Variants in SRGAP2C observed in about 807,000 individuals in gnomAD.
The protein encoded by SRGAP2C is SLIT-ROBO Rho GTPase-activating protein 2C.
SRGAP2C carries 15 observed loss-of-function variants against 25.1 expected under a neutral mutation model. The ratio of observed to expected loss-of-function variants is 0.60; its 90% CI spans 0.40 to 0.92. The LOEUF is 0.92. Among genes scored for constraint, SRGAP2C ranks in the 40% least tolerant of loss-of-function variants. The probability of loss-of-function intolerance (pLI) is 0.00; values close to 1 mark genes in which losing one functional copy is unlikely to be tolerated. For missense variants in SRGAP2C, 144 were observed against 264.4 expected (o/e 0.54, Z 3.16); for synonymous variants, 44 against 96.6 (o/e 0.46, Z 3.19).
intron 2 of SRGAP2C, among the ~76,000 whole-genome samples, chr1:121,279,616 C>G (rs1657196233): frequency 6.6e-6 from 1 of 150,384 alleles, no homozygotes; most frequent in Non-Finnish European, 1.5e-5. Flanking sequence ...AAGCCTCTTT[C>G]TAAATACTAG....
In SRGAP2C at chr1:121,321,908, C is replaced by T. The variant is rs1553341172; in HGVS notation, c.261-2570C>T. The stretch of plus-strand genomic sequence containing the variant: ...CTTCCTCTTTTGATCTGAGGTCTAC[C>T]TTTCTGAGCTAGCTGGCCTTTTGTT... On this transcript the variant is annotated intron_variant, in intron 3 of 9. Transcript: ENST00000367123. Among the ~76,000 whole-genome samples, 17 of 152,240 alleles carry T rather than the reference C, an allele frequency of 1.1e-4. No individual in the cohort carries two copies. In the East Asian group the frequency reaches 2.9e-3, roughly 26 times the overall value.
intron 2 of SRGAP2C, among the ~76,000 whole-genome samples, chr1:121,254,793 G>T (rs1418990892): frequency 1.3e-5 from 2 of 151,254 alleles, no homozygotes; most frequent in Non-Finnish European, 3.0e-5. Flanking sequence ...AACAAGAGTG[G>T]TTGCTGGGAG....
intron 3 of SRGAP2C, among the ~76,000 whole-genome samples, chr1:121,314,603 C>T (rs1553340381): frequency 8.0e-5 from 12 of 150,858 alleles, no homozygotes; most frequent in East Asian, 4.1e-4. Flanking sequence ...GATGGGTTTT[C>T]GGTGTGGATG....
At chr1:121,274,662 A>G (rs1352212944) in intron 2 of SRGAP2C, among the ~76,000 whole-genome samples, 1 of 79,186 alleles carries the variant, frequency 1.3e-5, no homozygotes, top group African/African-American at 5.6e-5. Context: ...TTTGTCCTCT[A>G]AGAGAGTGGA....
rs1319063135 is a variant in SRGAP2C at position 121,248,507 on chromosome 1, C to T, written c.68-36296C>T. ...TGTCGCCCAGGCTGGAGTGCAGTGGCGCAATCTTGGCTCACTGCAAGCTCC... is the reference window on the plus strand; with the variant it reads ...TGTCGCCCAGGCTGGAGTGCAGTGGTGCAATCTTGGCTCACTGCAAGCTCC... On this transcript the variant is annotated intron_variant, in intron 2 of 9. Transcript: ENST00000367123. 3.3e-4 allele frequency among the ~76,000 whole-genome samples: 47 copies of T among 141,252 alleles called. 1 individual carries two copies. The highest frequency in any genetic ancestry group is 3.7e-3 in the Middle Eastern group (1 of 270). 92.7% of individuals were successfully genotyped at this position (141,252 alleles called of 152,430 possible).
In SRGAP2C at chr1:121,230,570, C is replaced by A. The variant is rs587770630; in HGVS notation, c.67+43057C>A. Among the ~76,000 whole-genome samples, 694 of 144,326 alleles carry A rather than the reference C, an allele frequency of 4.8e-3. 4 individuals are homozygous for A. The highest frequency in any genetic ancestry group is 7.2e-3 in the Non-Finnish European group (477 of 66,646). 94.7% of individuals were successfully genotyped at this position (144,326 alleles called of 152,430 possible). A position where few individuals can be genotyped will look rare whatever the true frequency, so the allele number is the denominator to read the frequency against. Reference sequence around the variant, plus strand: ...CTTTAACATGCCAGGCATGCTTGACCCTGTCCTGTCTCAGGGCCCTGCTGT... The same window carrying A: ...CTTTAACATGCCAGGCATGCTTGACACTGTCCTGTCTCAGGGCCCTGCTGT... On this transcript the variant is annotated intron_variant, in intron 2 of 9. Coordinates refer to ENST00000367123, the MANE Select transcript of SRGAP2C (RefSeq NM_001329984.2).
chr1:121,319,447 CAG>C (rs1380132422), intron 3 of SRGAP2C, among the ~76,000 whole-genome samples: 1 of 135,518 alleles, frequency 7.4e-6, no homozygotes, highest in East Asian at 2.4e-4. Context: ...AAAAACCAAA[CAG>C]AGGTGATATG....
At chr1:121,368,065 G>A (rs1659382952) in intron 5 of SRGAP2C, among the ~76,000 whole-genome samples, 1 of 88,952 alleles carries the variant, frequency 1.1e-5, no homozygotes, top group Non-Finnish European at 2.3e-5. Context: ...AACAGAGCGA[G>A]ACTCTGTCTC....
At position 121,304,160 on chromosome 1, in the gene SRGAP2C, G is replaced by A. The variant is rs1402476979; in HGVS notation, c.260+19165G>A. On this transcript the variant is annotated intron_variant, in intron 3 of 9. Coordinates refer to ENST00000367123, the MANE Select transcript of SRGAP2C (RefSeq NM_001329984.2). Reference sequence around the variant, plus strand: ...CGGGAGGTGGAGCTTGCAGTGAGCCGAGATCGTGCCACTGCACTCCAGCCT... The same window carrying A: ...CGGGAGGTGGAGCTTGCAGTGAGCCAAGATCGTGCCACTGCACTCCAGCCT... Among the ~76,000 whole-genome samples the A allele has an allele frequency of 9.2e-3, 1,328 of 143,766 alleles. 17 individuals carry two copies. The highest frequency in any genetic ancestry group is 0.032 in the African/African-American group (1,230 of 38,794). The allele number at this position is 143,766 out of a possible 152,430, so 94.3% of individuals were successfully genotyped here.
rs1553338629 is a variant in SRGAP2C, at chr1:121,299,560, C to T, written c.260+14565C>T. On this transcript the variant is annotated intron_variant, in intron 3 of 9. Coordinates refer to ENST00000367123, the MANE Select transcript of SRGAP2C (RefSeq NM_001329984.2). The stretch of plus-strand genomic sequence containing the variant: ...AAAGAGCCAGGATTAGAAAATGAAT[C>T]GGAACAAACTAGGATTATCTTCAAC... Among the ~76,000 whole-genome samples, 4 of 74,894 alleles carry T rather than the reference C, an allele frequency of 5.3e-5. 1 individual carries two copies. Among genetic ancestry groups the T allele is most frequent in the Non-Finnish European group, 7.8e-5 (3 of 38,370 alleles). The allele number at this position is 74,894 out of a possible 152,430, so 49.1% of individuals were successfully genotyped here. A position where few individuals can be genotyped will look rare whatever the true frequency, so the allele number is the denominator to read the frequency against.
chr1:121,212,123 ATTTT>A (rs60785126), intron 2 of SRGAP2C, among the ~76,000 whole-genome samples: 69 of 61,956 alleles, frequency 1.1e-3, no homozygotes, highest in Non-Finnish European at 1.5e-3. Flanking sequence ...ATGGAGCTGT[ATTTT>A]TTTTTTTTTT....
At chr1:121,321,902 G>T (rs1200093309) in intron 3 of SRGAP2C, among the ~76,000 whole-genome samples, 1 of 152,030 alleles carries the variant, frequency 6.6e-6, no homozygotes, top group Non-Finnish European at 1.5e-5. Context: ...TTGATCTGAG[G>T]TCTACCTTTC....
rs1553349358 is a variant in SRGAP2C at position 121,365,527 on chromosome 1, G to A, written c.486+172G>A. ...TTTTTCACACTCGTCTTTTCAAAAC[G>A]GAATGAGTCAAAAAATACTTCCTCA... On this transcript the variant is annotated intron_variant, in intron 5 of 9. Coordinates refer to ENST00000367123, the MANE Select transcript of SRGAP2C (RefSeq NM_001329984.2). Among the ~76,000 whole-genome samples, 5 of 86,750 alleles carry A rather than the reference G, an allele frequency of 5.8e-5. 2 individuals carry two copies. Among genetic ancestry groups the A allele is most frequent in the African/African-American group, 2.3e-4 (5 of 21,282 alleles). The allele number at this position is 86,750 out of a possible 152,430, so 56.9% of individuals were successfully genotyped here. A position where few individuals can be genotyped will look rare whatever the true frequency, so the allele number is the denominator to read the frequency against.
chr1:121,308,666 C>T (rs1553339737), intron 3 of SRGAP2C, among the ~76,000 whole-genome samples: 56 of 151,860 alleles, frequency 3.7e-4, no homozygotes, highest in Middle Eastern at 3.4e-3. Flanking sequence ...GGGCCGGGTG[C>T]GGTGGTTCAC....
chr1:121,314,975 C>T lies in SRGAP2C; in HGVS notation c.261-9503C>T. On this transcript the variant is annotated intron_variant, in intron 3 of 9. Coordinates refer to ENST00000367123, the MANE Select transcript of SRGAP2C (RefSeq NM_001329984.2). The stretch of plus-strand genomic sequence containing the variant: ...GAGCCAGGGCTTGAAGCAGACAATC[C>T]AAGCATCCTTCTAAACTATCCTCAG... 4.9e-6 allele frequency: 5 copies of T among 1,030,024 alleles called. No homozygotes were observed. In the South Asian group the frequency reaches 6.4e-5, roughly 13 times the overall value. The allele number at this position is 1,030,024 out of a possible 1,614,324, so 63.8% of individuals were successfully genotyped here.
intron 2 of SRGAP2C, among the ~76,000 whole-genome samples, chr1:121,217,282 A>T (rs1655413687): frequency 6.8e-6 from 1 of 147,092 alleles, no homozygotes; most frequent in African/African-American, 2.5e-5. Flanking sequence ...TTTGGGTACC[A>T]TTCTGTAGGA....
chr1:121,312,599 C>T (rs1285036773), intron 3 of SRGAP2C, among the ~76,000 whole-genome samples: 8 of 118,728 alleles, frequency 6.7e-5, no homozygotes, highest in Non-Finnish European at 1.1e-4. Context: ...GCTTTGAATG[C>T]GTCCCAGAGA....
At chr1:121,334,904 T>TA (rs1370631631) in intron 4 of SRGAP2C, among the ~76,000 whole-genome samples, 2 of 142,512 alleles carry the variant, frequency 1.4e-5, no homozygotes, top group Non-Finnish European at 3.0e-5. Context: ...GCATGTATGT[T>TA]AGACTACTTG....
At chr1:121,249,576 ATATATTTTT>A (rs1314996201) in intron 2 of SRGAP2C, among the ~76,000 whole-genome samples, 39 of 21,508 alleles carry the variant, frequency 1.8e-3, no homozygotes, top group African/African-American at 5.4e-3. Context: ...ATATATATAT[ATATATTTTT>A]TTTTTTTTTT....
Sources: allele counts gnomAD v4.1 joint callset (sites outside exome capture counted in the v4.1 genomes callset), GRCh38; gene constraint gnomAD v4.1.1; transcripts MANE v1.5; gene names NCBI Gene and HGNC (gene_info 2026-07-23, HGNC 2026-07-21).